TENM4: variants seen among roughly 807,000 people sequenced by gnomAD.
The protein encoded by TENM4 is teneurin-4.
A neutral mutation model predicts 243.3 loss-of-function variants in TENM4; 82 were observed. The ratio of observed to expected loss-of-function variants is 0.34; its 90% CI spans 0.28 to 0.40. The LOEUF is 0.40. Among genes scored for constraint, TENM4 ranks in the 10% least tolerant of loss-of-function variants. TENM4 has a pLI of 1.00. For missense variants in TENM4, 3,138 were observed against 3,673.3 expected (o/e 0.85, Z 3.77); for synonymous variants, 1,412 against 1,456.3 (o/e 0.97, Z 0.69).
At chr11:79,152,504 A>T (rs1353604593) in intron 3 of TENM4, among the ~76,000 whole-genome samples, 1 of 152,228 alleles carries the variant, frequency 6.6e-6, no homozygotes, top group East Asian at 1.9e-4. Flanking sequence ...CAGAAACTTC[A>T]TCTAGATATA....
At chr11:79,428,124 G>GAA (rs1859093784) in intron 1 of TENM4, among the ~76,000 whole-genome samples, 1 of 152,172 alleles carries the variant, frequency 6.6e-6, no homozygotes, top group South Asian at 2.1e-4. Context: ...ACATCTCCTG[G>GAA]AAGCTTGTCA....
Position 78,846,257 on chromosome 11 carries a change from G to A in TENM4, c.1681+7847C>T, listed in dbSNP as rs542793779. Among the ~76,000 whole-genome samples the A allele has an allele frequency of 2.0e-5, 3 of 152,252 alleles. No individual in the cohort carries two copies. In the East Asian group the frequency reaches 5.8e-4, roughly 29 times the overall value. ...TCTCTGGATATCTTTTCTAGGACGT[G>A]TGCTTACCACTTATCATTATTTATC... is the stretch of plus-strand genomic sequence containing the variant. On this transcript the variant is annotated intron_variant, in intron 12 of 33. Coordinates refer to ENST00000278550, the MANE Select transcript of TENM4 (RefSeq NM_001098816.3).
intron 5 of TENM4, among the ~76,000 whole-genome samples, chr11:79,067,431 C>T (rs1419202373): frequency 2.0e-5 from 3 of 152,174 alleles, no homozygotes; most frequent in Admixed American, 2.0e-4. Flanking sequence ...GTGCTCTGTT[C>T]GGCCGGCCCT....
chr11:78,845,442 G>T (rs556308959), intron 12 of TENM4, among the ~76,000 whole-genome samples: 115 of 152,232 alleles, frequency 7.6e-4, no homozygotes, highest in African/African-American at 2.4e-3. Context: ...ACCCAGGCTG[G>T]GCTGACTCCA....
At chr11:79,201,018 CT>C (rs1863727195) in intron 3 of TENM4, among the ~76,000 whole-genome samples, 1 of 152,194 alleles carries the variant, frequency 6.6e-6, no homozygotes, top group South Asian at 2.1e-4. Flanking sequence ...AAAGTTCGTG[CT>C]GCAGAGGGTC....
Position 78,958,263 on chromosome 11 carries a change from G to A in TENM4, c.494-54740C>T, listed in dbSNP as rs145434310. 2.5e-3 allele frequency among the ~76,000 whole-genome samples: 376 copies of A among 152,254 alleles called. 2 individuals are homozygous for A. The highest frequency in any genetic ancestry group is 7.9e-3 in the African/African-American group (329 of 41,544). On this transcript the variant is annotated intron_variant, in intron 6 of 33. Transcript: ENST00000278550. ...CATCTCTCAGAGCTATTTATTCCCC[G>A]ACCCTCTTAAATATTAACCACCAAG...
intron 6 of TENM4, chr11:79,021,567 G>C (rs1858929095): frequency 6.6e-6 from 1 of 152,148 alleles, no homozygotes; most frequent in South Asian, 2.1e-4. Context: ...TCCAGGGGGT[G>C]TTCATACCTT....
At position 78,658,162 on chromosome 11, in the gene TENM4, C is replaced by T. The variant is rs944321831; in HGVS notation, c.8206G>A (p.Gly2736Ser). 5.6e-6 allele frequency: 9 copies of T among 1,613,908 alleles called. No individual in the cohort carries two copies. Among genetic ancestry groups the T allele is most frequent in the Non-Finnish European group, 5.9e-6 (7 of 1,179,910 alleles). Residue 2736 changes from glycine (G) to serine (S), a missense_variant, in exon 34 of 34, where the codon GGC becomes AGC. Gly to Ser is a moderately conservative substitution (Grantham distance 56). Around this residue, in one of 2 missense-constraint regions of TENM4, gnomAD observed 2,467 missense variants for 3,059.1 expected, o/e 0.81. Coordinates refer to ENST00000278550, the MANE Select transcript of TENM4 (RefSeq NM_001098816.3). ...GAGATCACGAAAAAGCCGTCGTAGC[C>T]TTGCACCCGCCCTGTGCTCAGCACC... ...QQVLSTGRVQ[G>S]YDGFFVISVE...
At chr11:78,663,247 G>A (rs1291506824) in intron 32 of TENM4, among the ~76,000 whole-genome samples, 1 of 152,250 alleles carries the variant, frequency 6.6e-6, no homozygotes, top group Non-Finnish European at 1.5e-5. Context: ...GCAGGATTTT[G>A]ATTTGAGCCT....
intron 6 of TENM4, among the ~76,000 whole-genome samples, chr11:79,020,985 C>G (rs2136802829): frequency 6.6e-6 from 1 of 152,346 alleles, no homozygotes; most frequent in Middle Eastern, 3.4e-3. Context: ...GTTGAAATGC[C>G]CTTTCCTGAG....
chr11:79,389,249 G>A (rs138603417), intron 1 of TENM4, among the ~76,000 whole-genome samples: 1,627 of 152,274 alleles, frequency 0.011, 11 homozygotes, highest in Middle Eastern at 0.034. Context: ...TTGACTTCCT[G>A]GGTTCAAGCC....
chr11:79,264,186 C>G (rs1855844104), intron 2 of TENM4, among the ~76,000 whole-genome samples: 1 of 152,146 alleles, frequency 6.6e-6, no homozygotes, highest in Non-Finnish European at 1.5e-5. Context: ...CACTGAGATA[C>G]CACGGGAGCA....
chr11:79,411,548 G>A (rs929328090), intron 1 of TENM4, among the ~76,000 whole-genome samples: 5 of 152,142 alleles, frequency 3.3e-5, no homozygotes, highest in Admixed American at 6.5e-5. Flanking sequence ...CTGGCCTTGC[G>A]CTGCAGCCTT....
chr11:78,889,705 C>T, intron 9 of TENM4, 80 bp downstream of exon 9: 1 of 1,436,350 alleles, frequency 7.0e-7, no homozygotes, highest in Non-Finnish European at 9.5e-7. Context: ...AGTAAGGAGC[C>T]TTCAGTGCCC....
intron 1 of TENM4, among the ~76,000 whole-genome samples, chr11:79,316,406 A>T (rs1373044750): frequency 6.6e-6 from 1 of 152,206 alleles, no homozygotes; most frequent in Non-Finnish European, 1.5e-5. Context: ...TGAATATCAA[A>T]TGATGGAAGG....
intron 15 of TENM4, among the ~76,000 whole-genome samples, chr11:78,802,957 A>G (rs973445596): frequency 2.0e-5 from 3 of 152,140 alleles, no homozygotes; most frequent in African/African-American, 7.2e-5. Context: ...TGCTCTACCA[A>G]TGAGTGTTTT....
chr11:79,066,544 A>C (rs1860251739), intron 5 of TENM4, among the ~76,000 whole-genome samples: 1 of 152,228 alleles, frequency 6.6e-6, no homozygotes, highest in Admixed American at 6.5e-5. Flanking sequence ...AGGTAACCAC[A>C]CACATGCAGA....
intron 4 of TENM4, among the ~76,000 whole-genome samples, chr11:79,102,554 C>T (rs1474213162): frequency 6.6e-6 from 1 of 152,236 alleles, no homozygotes; most frequent in East Asian, 1.9e-4. Flanking sequence ...ACCTGGTGGA[C>T]ATCTGTGAGA....
chr11:79,301,167 G>A (rs552209770), intron 1 of TENM4, among the ~76,000 whole-genome samples: 8 of 152,228 alleles, frequency 5.3e-5, no homozygotes, highest in African/African-American at 1.4e-4. Flanking sequence ...TGCAAATTGG[G>A]TTATCTTTTC....
Sources: gnomAD v4.1 joint callset for allele counts (sites outside exome capture counted in the v4.1 genomes callset) on GRCh38, gnomAD v4.1.1 for gene constraint, gnomAD v4.1.1 regional missense constraint, MANE v1.5 for transcripts, NCBI Gene and HGNC (gene_info 2026-07-23, HGNC 2026-07-21) for gene names.